CROCC: variants seen among roughly 807,000 people sequenced by gnomAD.
CROCC encodes rootletin.
Under a neutral mutation model 245.2 loss-of-function variants are expected in CROCC, and 180 were observed. The observed-to-expected ratio is 0.73, with a 90% CI of 0.65 to 0.83. The LOEUF (loss-of-function observed/expected upper bound fraction) is 0.83, where lower values mean the gene tolerates loss of function less well. Ranked by LOEUF, CROCC falls within the 40% of genes least tolerant of loss-of-function variation. The pLI is 0.00. For synonymous variants in CROCC, 1,205 were observed against 1,241.6 expected (o/e 0.97, Z 0.62); for missense variants, 2,688 against 2,779.4 (o/e 0.97, Z 0.74).
rs1284169520 is a variant in CROCC, at chr1:16,969,902, G to A, written c.5419G>A (p.Glu1807Lys). The A allele has an allele frequency of 5.6e-6, 9 of 1,607,398 alleles. No individual in the cohort carries two copies. Among genetic ancestry groups the A allele is most frequent in the African/African-American group, 1.3e-5 (1 of 74,834 alleles). The stretch of plus-strand genomic sequence containing the variant: ...GGCTGACCTGGAACTGCAGCGGGTG[G>A]AGGCCGAGGGCCAGCTACAACAGCT... The part of the protein sequence containing the change: ...EVADLELQRV[E>K]AEGQLQQLRE... The change falls in exon 33 of 37, where the codon GAG becomes AAG. Residue 1807 changes from glutamate to lysine, a missense_variant. Coordinates refer to ENST00000375541, the MANE Select transcript of CROCC (RefSeq NM_014675.5).
In CROCC at chr1:16,971,637, TGGA is replaced by T; in HGVS notation, c.5962_5964del (p.Glu1988del). On this transcript the variant is annotated inframe_deletion, in exon 36 of 37. Coordinates refer to ENST00000375541, the MANE Select transcript of CROCC (RefSeq NM_014675.5). ...GCCCACCGCCAGAGGGTGCGTGGGC[TGGA>T]GGAGCAGGTGTGCAGGCCCCCTTAG... 6 of 1,497,344 alleles carry T rather than the reference TGGA, an allele frequency of 4.0e-6. No individual in the cohort carries two copies. The highest frequency in any genetic ancestry group is 5.3e-6 in the Non-Finnish European group (6 of 1,122,184). 92.8% of individuals were successfully genotyped at this position (1,497,344 alleles called of 1,614,324 possible).
At chr1:16,964,598 C>T (rs866273613) in intron 27 of CROCC, among the ~76,000 whole-genome samples, 4 of 151,556 alleles carry the variant, frequency 2.6e-5, no homozygotes, top group Middle Eastern at 6.8e-3. Context: ...TTGGCCAGGC[C>T]GGTCTCGAAC....
Position 16,924,440 on chromosome 1 carries a change from C to T in CROCC, c.312C>T (p.Arg104=), listed in dbSNP as rs774563422. The change falls in exon 3 of 37, where the codon CGC becomes CGT. Residue 104 remains arginine, a synonymous_variant. Transcript: ENST00000375541. ...EDLLAQSRAE[R]DELAIKYNAV... The stretch of plus-strand genomic sequence containing the variant: ...TGCTGGCCCAGAGCCGTGCCGAGCG[C>T]GATGAGCTCGCCATTAAGTACAATG... The T allele has an allele frequency of 6.2e-6, 10 of 1,613,400 alleles. No individual in the cohort carries two copies. Among genetic ancestry groups the T allele is most frequent in the East Asian group, 4.5e-5 (2 of 44,890 alleles).
At position 16,960,869 on chromosome 1, in the gene CROCC, G is replaced by T. The variant is rs940235202; in HGVS notation, c.4144G>T (p.Asp1382Tyr). The T allele has an allele frequency of 1.4e-5, 21 of 1,516,764 alleles. No homozygotes were observed. The African/African-American group carries it at 2.4e-4, about 17-fold the overall frequency. 94.0% of individuals were successfully genotyped at this position (1,516,764 alleles called of 1,614,324 possible). The change falls in exon 27 of 37, where the codon GAC becomes TAC. Residue 1382 changes from aspartate to tyrosine, a missense_variant. Coordinates refer to ENST00000375541, the MANE Select transcript of CROCC (RefSeq NM_014675.5). ...GCGTGGCACTGAAAAGCAGCAGCTG[G>T]ACCACGCCCGCGGCCTGGAGCTGAA... ...EARGTEKQQL[D>Y]HARGLELKLE...
chr1:16,922,704 C>T lies in CROCC; in HGVS notation c.102C>T (p.Gly34=), dbSNP rs760165675. The T allele has an allele frequency of 3.0e-5, 48 of 1,613,576 alleles. No individual in the cohort carries two copies. The highest frequency in any genetic ancestry group is 2.0e-4 in the South Asian group (18 of 91,024). Residue 34 remains glycine, a synonymous_variant, in exon 2 of 37, where the codon GGC becomes GGT. Coordinates refer to ENST00000375541, the MANE Select transcript of CROCC (RefSeq NM_014675.5). ...SSVLCQEKGL[G]ARDLAQDAQI... is the part of the protein sequence containing the mutation. ...TCCTGTGCCAGGAGAAAGGCTTGGG[C>T]GCGCGGGACCTGGCCCAGGACGCTC... is the stretch of plus-strand genomic sequence containing the variant.
chr1:16,949,508 A>G (rs1404490629), intron 19 of CROCC, among the ~76,000 whole-genome samples: 1 of 152,194 alleles, frequency 6.6e-6, no homozygotes, highest in African/African-American at 2.4e-5. Flanking sequence ...TACCATTTCC[A>G]TTCCCTGTAG....
intron 27 of CROCC, among the ~76,000 whole-genome samples, chr1:16,964,030 T>C (rs2076378173): frequency 6.6e-6 from 1 of 152,062 alleles, no homozygotes; most frequent in South Asian, 2.1e-4. Flanking sequence ...ACTCCTGACC[T>C]CAGGTGATCT....
At chr1:16,926,305 A>C (rs1031701147) in intron 3 of CROCC, among the ~76,000 whole-genome samples, 1 of 152,264 alleles carries the variant, frequency 6.6e-6, no homozygotes, top group Non-Finnish European at 1.5e-5. Context: ...CTCATCACAG[A>C]TAGGGAAAGT....
chr1:16,968,769 C>T (rs1221848114), intron 31 of CROCC, among the ~76,000 whole-genome samples: 2 of 152,220 alleles, frequency 1.3e-5, no homozygotes, highest in African/African-American at 2.4e-5. Flanking sequence ...CTTGCCTGAA[C>T]ACCCAACAAG....
At chr1:16,927,317 A>T (rs1433806232) in intron 3 of CROCC, among the ~76,000 whole-genome samples, 1 of 152,180 alleles carries the variant, frequency 6.6e-6, no homozygotes, top group Non-Finnish European at 1.5e-5. Flanking sequence ...GCTATCTCCC[A>T]CCTCATGGGT....
chr1:16,943,537 C>CA (rs879660607), intron 13 of CROCC, among the ~76,000 whole-genome samples: 21,399 of 120,200 alleles, frequency 0.18, no homozygotes, highest in East Asian at 0.35. Context: ...GACTCCGTCT[C>CA]AAAAAAAAAA....
At position 16,966,565 on chromosome 1, in the gene CROCC, C is replaced by T; in HGVS notation, c.4854C>T (p.Ala1618=). The part of the protein sequence containing the change: ...SLQATESELR[A]SQEKISKMKA... ...AGGCCACCGAGAGCGAGCTCCGGGC[C>T]AGCCAGGTGGGCAGGAGCTGAGGGC... Residue 1618 remains alanine, a synonymous_variant, in exon 30 of 37, where the codon GCC becomes GCT. Coordinates refer to ENST00000375541, the MANE Select transcript of CROCC (RefSeq NM_014675.5). The surrounding 1 kb of genome is among the most constrained non-coding windows in gnomAD (Gnocchi z 4.8). The T allele has an allele frequency of 6.8e-7, 1 of 1,479,644 alleles. No homozygotes were observed. The highest frequency in any genetic ancestry group is 8.9e-7 in the Non-Finnish European group (1 of 1,117,598). 91.7% of individuals were successfully genotyped at this position (1,479,644 alleles called of 1,614,324 possible).
chr1:16,958,601 G>A lies in CROCC; in HGVS notation c.3883G>A (p.Glu1295Lys). The change falls in exon 26 of 37, where the codon GAG (glutamate) becomes AAG (lysine). Residue 1295 changes from glutamate (E) to lysine (K), a missense_variant. Glu to Lys is a moderately conservative substitution (Grantham distance 56). Around this residue, in one of 9 missense-constraint regions of CROCC, gnomAD observed 1,218 missense variants for 1,286.3 expected, o/e 0.95. Transcript: ENST00000375541. Reference protein sequence around the residue: ...LRRQMKMLDSENTRLGRELAE... With the variant: ...LRRQMKMLDSKNTRLGRELAE... ...CTCACAGATGAAGATGCTGGACAGT[G>A]AGAACACCAGACTGGGCCGGGAGCT... 6.4e-7 allele frequency: 1 copy of A among 1,553,520 alleles called. No individual in the cohort carries two copies. The highest frequency in any genetic ancestry group is 8.7e-7 in the Non-Finnish European group (1 of 1,148,806).
In CROCC at chr1:16,922,710, G is replaced by C. The variant is rs1440649073; in HGVS notation, c.108G>C (p.Arg36=). 2 of 1,613,684 alleles carry C rather than the reference G, an allele frequency of 1.2e-6. No individual in the cohort carries two copies. Among genetic ancestry groups the C allele is most frequent in the Non-Finnish European group, 1.7e-6 (2 of 1,179,960 alleles). ...GCCAGGAGAAAGGCTTGGGCGCGCG[G>C]GACCTGGCCCAGGACGCTCAGATCA... ...VLCQEKGLGA[R]DLAQDAQITS... The change falls in exon 2 of 37, where the codon CGG becomes CGC. Residue 36 remains arginine, a synonymous_variant. Transcript: ENST00000375541.
chr1:16,951,522 C>T (rs2076159119), intron 20 of CROCC, among the ~76,000 whole-genome samples: 1 of 152,174 alleles, frequency 6.6e-6, no homozygotes, highest in Non-Finnish European at 1.5e-5. Context: ...GGGTTTGAAT[C>T]GAATCTTGGT....
intron 17 of CROCC, among the ~76,000 whole-genome samples, chr1:16,947,863 G>C (rs571321598): frequency 6.6e-6 from 1 of 152,150 alleles, no homozygotes; most frequent in African/African-American, 2.4e-5. Context: ...TTTCCAGACA[G>C]AGTCTTGCTC....
In CROCC at chr1:16,939,146, G is replaced by A; in HGVS notation, c.1608+4G>A. On this transcript the variant is annotated splice_donor_region_variant and intron_variant, in intron 12 of 36. Coordinates refer to ENST00000375541, the MANE Select transcript of CROCC (RefSeq NM_014675.5). ...CAAGCGCCAGCTGCAGGTCCAGGTA[G>A]GAAGGGGCTTGAGCGTTCTGGGCGC... 1 of 1,490,938 alleles carries A rather than the reference G, an allele frequency of 6.7e-7. No individual in the cohort carries two copies. The highest frequency in any genetic ancestry group is 8.8e-7 in the Non-Finnish European group (1 of 1,131,418). 92.4% of individuals were successfully genotyped at this position (1,490,938 alleles called of 1,614,324 possible).
chr1:16,931,023 G>T (rs575217512), intron 7 of CROCC, among the ~76,000 whole-genome samples: 67 of 152,370 alleles, frequency 4.4e-4, no homozygotes, highest in Middle Eastern at 3.4e-3. Context: ...CAGCTGGGAT[G>T]CAAAGCTAGG....
intron 27 of CROCC, among the ~76,000 whole-genome samples, chr1:16,962,114 G>A (rs1349490216): frequency 4.0e-5 from 6 of 151,482 alleles, no homozygotes; most frequent in Non-Finnish European, 5.9e-5. Flanking sequence ...CCAAGCTGGA[G>A]TGCAGTAGCA....
Sources: gnomAD v4.1 joint callset for allele counts (sites outside exome capture counted in the v4.1 genomes callset) on GRCh38, gnomAD v4.1.1 for gene constraint, gnomAD v4.1.1 regional missense constraint, Gnocchi (gnomAD v3.1) non-coding constraint, MANE v1.5 for transcripts, NCBI Gene and HGNC (gene_info 2026-07-23, HGNC 2026-07-21) for gene names.